The following RANBP2 variants were observed in gnomAD, a reference collection of about 807,000 sequenced individuals.
RANBP2 encodes the protein RAN binding protein 2, also known as E3 SUMO-protein ligase RanBP2.
In RANBP2, 57 loss-of-function variants were observed where a neutral mutation model predicts 303.6. That is an observed-to-expected ratio of 0.19 (90% CI 0.15 to 0.23). RANBP2 has a LOEUF of 0.23. Among genes scored for constraint, RANBP2 ranks in the 10% least tolerant of loss-of-function variants. The pLI is 1.00. For missense variants in RANBP2, 3,138 were observed against 3,780.8 expected (o/e 0.83, Z 4.46); for synonymous variants, 1,167 against 1,301.5 (o/e 0.90, Z 2.23).
the RANBP2 span, among the ~76,000 whole-genome samples, chr2:109,528,271 C>T: frequency 2.0e-5 from 3 of 152,346 alleles, no homozygotes; most frequent in Admixed American, 2.0e-4. Flanking sequence ...GTACACGCTC[C>T]ATCCTGACCA....
At chr2:108,988,894 CAT>C in the RANBP2 span, 1 of 152,282 alleles carries the variant, frequency 6.6e-6, no homozygotes, top group East Asian at 1.9e-4. Context: ...TCTCCCAGCC[CAT>C]GACACCTCCG....
chr2:108,840,538 A>G, the RANBP2 span, among the ~76,000 whole-genome samples: 2 of 152,206 alleles, frequency 1.3e-5, no homozygotes, highest in African/African-American at 2.4e-5. Flanking sequence ...TGTAATTCAT[A>G]TCGATGATTT....
the RANBP2 span, among the ~76,000 whole-genome samples, chr2:109,691,295 A>C: frequency 1.1e-3 from 171 of 152,354 alleles, 3 homozygotes; most frequent in East Asian, 6.4e-3. Context: ...TGGATACCAC[A>C]TTAGCAATAG....
chr2:109,386,393 C>G, the RANBP2 span, among the ~76,000 whole-genome samples: 1 of 151,660 alleles, frequency 6.6e-6, no homozygotes, highest in South Asian at 2.1e-4. Context: ...ACCAGGGGGC[C>G]GCTATGACTG....
chr2:109,215,121 G>GAA, the RANBP2 span, among the ~76,000 whole-genome samples: 61 of 152,290 alleles, frequency 4.0e-4, 1 homozygote, highest in African/African-American at 1.4e-3. Flanking sequence ...CATCACAATT[G>GAA]ACCGTGTTAA....
chr2:108,763,928 A>G lies in RANBP2; in HGVS notation c.3389A>G (p.Asp1130Gly), dbSNP rs1172877724. The G allele has an allele frequency of 9.9e-6, 16 of 1,613,924 alleles. No homozygotes were observed. Among genetic ancestry groups the G allele is most frequent in the African/African-American group, 2.7e-5 (2 of 75,022 alleles). The change falls in exon 20 of 29, where the codon GAT (aspartate) becomes GGT (glycine). Residue 1130 changes from aspartate (D) to glycine (G), a missense_variant. Physicochemically the swap from Asp to Gly is moderately conservative, Grantham distance 94. Around this residue, in one of 20 missense-constraint regions of RANBP2, gnomAD observed 403 missense variants for 376.7 expected, o/e 1.07. Transcript: ENST00000283195. Reference protein sequence around the residue: ...QKNSGFRRSDDMFTFHGPGKS... With the variant: ...QKNSGFRRSDGMFTFHGPGKS... The stretch of plus-strand genomic sequence containing the variant: ...AATTCTGGTTTTCGGCGAAGTGATG[A>G]TATGTTTACTTTCCATGGTCCAGGG...
chr2:109,405,325 C>T, the RANBP2 span, among the ~76,000 whole-genome samples: 1 of 152,170 alleles, frequency 6.6e-6, no homozygotes, highest in Non-Finnish European at 1.5e-5. Context: ...TGAGCTAACA[C>T]TCTTCGTCTT....
rs1428624545 is a variant in RANBP2, at chr2:108,735,518, T to C, written c.406-14T>C. On this transcript the variant is annotated splice_polypyrimidine_tract_variant and intron_variant, in intron 4 of 28. Transcript: ENST00000283195. ...GTGTTACTCTAATAATTTTTCTTTT[T>C]CCCCTCTAAATAGGAACAGCTTCTA... 1 of 1,597,400 alleles carries C rather than the reference T, an allele frequency of 6.3e-7. No individual in the cohort carries two copies. Among genetic ancestry groups the C allele is most frequent in the African/African-American group, 1.3e-5 (1 of 74,834 alleles).
chr2:108,726,049 A>G (rs965859114), intron 1 of RANBP2, among the ~76,000 whole-genome samples: 4 of 152,120 alleles, frequency 2.6e-5, no homozygotes, highest in African/African-American at 9.7e-5. Context: ...TATCCACAGT[A>G]TTGCCTTACG....
the RANBP2 span, among the ~76,000 whole-genome samples, chr2:109,573,010 T>G: frequency 3.9e-5 from 6 of 152,258 alleles, 1 homozygote; most frequent in African/African-American, 1.4e-4. Context: ...AATCACCAAA[T>G]TTGGAAAAGA....
At chr2:109,608,560 C>T in the RANBP2 span, among the ~76,000 whole-genome samples, 2 of 152,150 alleles carry the variant, frequency 1.3e-5, no homozygotes, top group Non-Finnish European at 2.9e-5. Context: ...GGGAGCCCAT[C>T]CTACCTGGCA....
chr2:109,360,769 G>C, the RANBP2 span, among the ~76,000 whole-genome samples: 73 of 152,234 alleles, frequency 4.8e-4, no homozygotes, highest in Middle Eastern at 3.4e-3. Context: ...GTAAACAAAG[G>C]CAGTTTTATT....
At chr2:109,230,062 G>A in the RANBP2 span, among the ~76,000 whole-genome samples, 3 of 151,710 alleles carry the variant, frequency 2.0e-5, no homozygotes, top group Admixed American at 6.6e-5. Context: ...TTGACTTCGT[G>A]ATCCGCCCGC....
intron 7 of RANBP2, among the ~76,000 whole-genome samples, chr2:108,741,134 C>G (rs1320517960): frequency 1.3e-5 from 2 of 152,036 alleles, no homozygotes; most frequent in East Asian, 3.8e-4. Flanking sequence ...ACATTTATGA[C>G]TGTATTGTGT....
chr2:109,291,280 CTTTT>C, the RANBP2 span, among the ~76,000 whole-genome samples: 4 of 137,252 alleles, frequency 2.9e-5, no homozygotes, highest in Admixed American at 1.4e-4. Context: ...AGAGTAATCT[CTTTT>C]TTTTTTTTTT....
the RANBP2 span, chr2:108,816,142 T>C: frequency 6.7e-7 from 1 of 1,490,968 alleles, no homozygotes; most frequent in South Asian, 1.2e-5. Context: ...ATTCAGAATA[T>C]ATGAAGATTA....
At chr2:109,518,915 C>CTTT in the RANBP2 span, among the ~76,000 whole-genome samples, 32 of 110,962 alleles carry the variant, frequency 2.9e-4, no homozygotes, top group African/African-American at 6.7e-4. Context: ...TGCTACATAT[C>CTTT]TTTTTTTTTT....
rs372534622 is a variant in RANBP2, at chr2:108,751,504, T to G, written c.1456-24T>G. The G allele has an allele frequency of 6.4e-5, 103 of 1,611,626 alleles. No individual in the cohort carries two copies. The African/African-American group carries it at 1.2e-3, about 19-fold the overall frequency. ...AATTTTGTTTAATTTTTTTTCTAAC[T>G]TAACTTTTCCTTAAATAAAACAGGT... On this transcript the variant is annotated intron_variant, in intron 10 of 28. Transcript: ENST00000283195.
the RANBP2 span, among the ~76,000 whole-genome samples, chr2:109,149,106 G>C: frequency 6.6e-6 from 1 of 152,058 alleles, no homozygotes; most frequent in South Asian, 2.1e-4. Flanking sequence ...CACTGTTCTG[G>C]GCTCTGGGAA....
Sources: gnomAD v4.1 joint callset for allele counts (sites outside exome capture counted in the v4.1 genomes callset) on GRCh38, gnomAD v4.1.1 for gene constraint, gnomAD v4.1.1 regional missense constraint, MANE v1.5 for transcripts, NCBI Gene and HGNC (gene_info 2026-07-23, HGNC 2026-07-21) for gene names.